EEPD1: variants seen among roughly 807,000 people sequenced by gnomAD.
EEPD1 encodes endonuclease/exonuclease/phosphatase family domain containing 1.
In EEPD1, 17 loss-of-function variants were observed where a neutral mutation model predicts 46.3. The ratio of observed to expected loss-of-function variants is 0.37; its 90% confidence interval spans 0.25 to 0.55. The LOEUF (loss-of-function observed/expected upper bound fraction) is 0.55, where lower values mean the gene tolerates loss of function less well. Among genes scored for constraint, EEPD1 ranks in the 20% least tolerant of loss-of-function variants. The pLI is 0.83. For synonymous variants in EEPD1, 313 were observed against 315.6 expected (o/e 0.99, Z 0.09); for missense variants, 673 against 745.6 (o/e 0.90, Z 1.13).
intron 6 of EEPD1, among the ~76,000 whole-genome samples, chr7:36,292,021 C>T (rs1008726902): frequency 6.6e-6 from 1 of 152,240 alleles, no homozygotes. Flanking sequence ...AACCTTTCCC[C>T]CTTGGCCCTG....
intron 2 of EEPD1, among the ~76,000 whole-genome samples, chr7:36,173,299 C>T (rs1317232305): frequency 1.6e-5 from 2 of 127,676 alleles, no homozygotes; most frequent in Non-Finnish European, 3.2e-5. Flanking sequence ...CCATCGTGGC[C>T]AACATGGTGA....
chr7:36,298,055 T>C (rs1364588808), intron 7 of EEPD1, among the ~76,000 whole-genome samples: 3 of 152,284 alleles, frequency 2.0e-5, no homozygotes, highest in Middle Eastern at 3.4e-3. Context: ...GTCACCTGCT[T>C]CTCCCCTCTC....
intron 6 of EEPD1, among the ~76,000 whole-genome samples, chr7:36,296,006 G>A (rs971227319): frequency 1.4e-4 from 16 of 115,386 alleles, no homozygotes; most frequent in East Asian, 1.2e-3. Flanking sequence ...ACTCCAGCCC[G>A]GCCAACAGAG....
chr7:36,288,745 CAGCA>C (rs1173391423), intron 6 of EEPD1, among the ~76,000 whole-genome samples: 2 of 148,064 alleles, frequency 1.4e-5, no homozygotes, highest in African/African-American at 5.0e-5. Context: ...CTGGGCAACA[CAGCA>C]AGACCCCATC....
intron 3 of EEPD1, among the ~76,000 whole-genome samples, chr7:36,243,874 A>G (rs944319920): frequency 5.7e-5 from 8 of 139,246 alleles, no homozygotes; most frequent in African/African-American, 7.9e-5. Context: ...AGGAAGGGGA[A>G]CATCACACTC....
At chr7:36,173,603 G>A (rs545770236) in intron 2 of EEPD1, among the ~76,000 whole-genome samples, 3 of 152,150 alleles carry the variant, frequency 2.0e-5, no homozygotes, top group East Asian at 3.9e-4. Flanking sequence ...GTTTCCTGAG[G>A]CCTCCCCAGC....
At chr7:36,196,444 GTCTCCCTC>G (rs1441151858) in intron 2 of EEPD1, among the ~76,000 whole-genome samples, 1 of 151,450 alleles carries the variant, frequency 6.6e-6, no homozygotes, top group African/African-American at 2.4e-5. Context: ...CCTTTCCATG[GTCTCCCTC>G]TCATGCCGGG....
intron 6 of EEPD1, among the ~76,000 whole-genome samples, chr7:36,292,311 T>C (rs1787456296): frequency 6.6e-6 from 1 of 152,358 alleles, no homozygotes; most frequent in East Asian, 1.9e-4. Flanking sequence ...CCAGCTGTTT[T>C]CTCTTAGAAC....
rs56236165 is a variant in EEPD1 at position 36,165,411 on chromosome 7, C to CTTTTTTTTTT, written c.878+10228_878+10237dup. On this transcript the variant is annotated intron_variant, in intron 2 of 7. Transcript: ENST00000242108. Reference sequence around the variant, plus strand: ...ATGAAATCGCCTAATGATCCATTTCCTTTTTTTTTTTTTTTTTTTTTTTTT... The same window carrying CTTTTTTTTTT: ...ATGAAATCGCCTAATGATCCATTTCCTTTTTTTTTTTTTTTTTTTTTTTTTTTTTTTTTTT... Among the ~76,000 whole-genome samples, 50 of 62,104 alleles carry CTTTTTTTTTT rather than the reference C, an allele frequency of 8.1e-4. 8 individuals carry two copies. Among genetic ancestry groups the CTTTTTTTTTT allele is most frequent in the African/African-American group, 3.3e-3 (46 of 14,102 alleles). 40.7% of individuals were successfully genotyped at this position (62,104 alleles called of 152,430 possible).
chr7:36,244,240 T>C (rs2115794936), intron 3 of EEPD1, among the ~76,000 whole-genome samples: 1 of 152,202 alleles, frequency 6.6e-6, no homozygotes, highest in Non-Finnish European at 1.5e-5. Context: ...TGGTCGCTTC[T>C]AGCCAGACAG....
At chr7:36,295,089 G>T (rs1562715858) in intron 6 of EEPD1, among the ~76,000 whole-genome samples, 1 of 151,540 alleles carries the variant, frequency 6.6e-6, no homozygotes, top group Non-Finnish European at 1.5e-5. Flanking sequence ...GAGGCAGGAG[G>T]ATTGCTTGAA....
chr7:36,297,268 A>G, intron 7 of EEPD1, 81 bp downstream of exon 7: 2 of 1,466,294 alleles, frequency 1.4e-6, no homozygotes, highest in Non-Finnish European at 1.9e-6. Context: ...AAGTCATCTC[A>G]CCTCCTCTGA....
intron 2 of EEPD1, among the ~76,000 whole-genome samples, chr7:36,186,630 A>G (rs966307356): frequency 1.8e-4 from 27 of 152,238 alleles, no homozygotes; most frequent in African/African-American, 6.5e-4. Context: ...AAAAGTTTCT[A>G]CACTGATCTA....
rs988548501 is a variant in EEPD1, at chr7:36,292,493, T to TTTTCTCTTTCTC, written c.1316-4491_1316-4480dup. 1.6e-3 allele frequency among the ~76,000 whole-genome samples: 240 copies of TTTTCTCTTTCTC among 150,902 alleles called. 1 individual carries two copies. Among genetic ancestry groups the TTTTCTCTTTCTC allele is most frequent in the Non-Finnish European group, 1.9e-3 (127 of 67,492 alleles). ...TCTCTCTCTCTCTCTTTCTCTCTCT[T>TTTTCTCTTTCTC]TTTCTCTTTCTCTTTCTCTTCTTTC... On this transcript the variant is annotated intron_variant, in intron 6 of 7. Transcript: ENST00000242108.
At chr7:36,286,584 T>TG (rs1314550934) in intron 5 of EEPD1, among the ~76,000 whole-genome samples, 14 of 152,226 alleles carry the variant, frequency 9.2e-5, no homozygotes, top group Non-Finnish European at 4.4e-5. Context: ...CCCTTGGGGA[T>TG]GCAGGGCTAG....
intron 6 of EEPD1, among the ~76,000 whole-genome samples, chr7:36,290,191 CT>C (rs1787406820): frequency 6.6e-6 from 1 of 152,190 alleles, no homozygotes; most frequent in Non-Finnish European, 1.5e-5. Context: ...CTCATAACTT[CT>C]TTGACAGCCT....
intron 2 of EEPD1, among the ~76,000 whole-genome samples, chr7:36,159,958 A>G (rs905771536): frequency 7.9e-5 from 12 of 152,248 alleles, no homozygotes; most frequent in Non-Finnish European, 1.5e-4. Flanking sequence ...TTGTAAGAGA[A>G]GACAGTGTGA....
In EEPD1 at chr7:36,225,888, G is replaced by T. The variant is rs116643839; in HGVS notation, c.879-13097G>T. ...TCAGAAAGACATTCTCAGATGTGCAGGGGCTTAGGGAAGTATACAAACATG... is the reference window on the plus strand; with the variant it reads ...TCAGAAAGACATTCTCAGATGTGCATGGGCTTAGGGAAGTATACAAACATG... On this transcript the variant is annotated intron_variant, in intron 2 of 7. Transcript: ENST00000242108. The surrounding 1 kb of genome is among the most constrained non-coding windows in gnomAD (Gnocchi z 4.2). 3.3e-3 allele frequency among the ~76,000 whole-genome samples: 503 copies of T among 152,306 alleles called. 3 individuals carry two copies. The highest frequency in any genetic ancestry group is 0.011 in the African/African-American group (475 of 41,570).
intron 2 of EEPD1, among the ~76,000 whole-genome samples, chr7:36,200,982 G>T (rs956297057): frequency 6.6e-5 from 10 of 152,156 alleles, no homozygotes; most frequent in African/African-American, 2.4e-4. Flanking sequence ...AACATCACCT[G>T]TAATGGGACA....
Sources: allele counts gnomAD v4.1 joint callset (sites outside exome capture counted in the v4.1 genomes callset), GRCh38; gene constraint gnomAD v4.1.1; non-coding constraint Gnocchi (gnomAD v3.1); transcripts MANE v1.5; gene names NCBI Gene and HGNC (gene_info 2026-07-23, HGNC 2026-07-21).